Variants in CALN1 observed in about 807,000 individuals in gnomAD.
CALN1 encodes calcium-binding protein 8.
Under a neutral mutation model 30.6 loss-of-function variants are expected in CALN1, and 17 were observed. The ratio of observed to expected loss-of-function variants is 0.56; its 90% CI spans 0.38 to 0.83. CALN1 has a LOEUF of 0.83. CALN1 is among the 40% of genes least tolerant of loss of function. CALN1 has a pLI of 0.00. For synonymous variants in CALN1, 156 were observed against 131.4 expected (o/e 1.19, Z -1.28); for missense variants, 291 against 354.9 (o/e 0.82, Z 1.45).
chr7:72,000,011 GA>G (rs1369850333), intron 5 of CALN1, among the ~76,000 whole-genome samples: 5 of 152,208 alleles, frequency 3.3e-5, no homozygotes, highest in African/African-American at 1.2e-4. Context: ...ACACGCTGCT[GA>G]ACTCAAGGTT....
chr7:72,376,081 TTAGTTGGC>T (rs1804536492), intron 2 of CALN1, among the ~76,000 whole-genome samples: 1 of 152,244 alleles, frequency 6.6e-6, no homozygotes, highest in Non-Finnish European at 1.5e-5. Flanking sequence ...TTTTATTCCT[TTAGTTGGC>T]TAGTTAATAT....
chr7:72,346,148 A>G (rs747440058), intron 2 of CALN1, among the ~76,000 whole-genome samples: 49 of 152,186 alleles, frequency 3.2e-4, no homozygotes, highest in Non-Finnish European at 5.6e-4. Flanking sequence ...TTTACTTTTT[A>G]TTAAAGTGAT....
At chr7:72,204,455 T>C (rs1791683787) in intron 3 of CALN1, among the ~76,000 whole-genome samples, 1 of 152,216 alleles carries the variant, frequency 6.6e-6, no homozygotes, top group South Asian at 2.1e-4. Flanking sequence ...AATTGACTCA[T>C]GATTAACACA....
At chr7:71,954,994 T>C (rs751430483) in intron 5 of CALN1, among the ~76,000 whole-genome samples, 1 of 152,238 alleles carries the variant, frequency 6.6e-6, no homozygotes, top group Non-Finnish European at 1.5e-5. Context: ...AGTATGTTTG[T>C]ATCTGTATTA....
chr7:72,375,180 G>A (rs1562931088), intron 2 of CALN1, among the ~76,000 whole-genome samples: 1 of 152,158 alleles, frequency 6.6e-6, no homozygotes, highest in Non-Finnish European at 1.5e-5. Context: ...AAGTCTTGGT[G>A]TGGCCCAGCT....
intron 3 of CALN1, among the ~76,000 whole-genome samples, chr7:72,149,127 G>A (rs2129544031): frequency 6.6e-6 from 1 of 152,166 alleles, no homozygotes; most frequent in East Asian, 1.9e-4. Context: ...AGCAGATGCT[G>A]ACACTATGCT....
At chr7:72,357,182 A>G (rs1287559038) in intron 2 of CALN1, among the ~76,000 whole-genome samples, 1 of 151,988 alleles carries the variant, frequency 6.6e-6, no homozygotes, top group Non-Finnish European at 1.5e-5. Context: ...AACTTGAACC[A>G]AAATGAAATA....
At chr7:71,934,888 G>A (rs1165743981) in intron 5 of CALN1, among the ~76,000 whole-genome samples, 1 of 152,174 alleles carries the variant, frequency 6.6e-6, no homozygotes, top group African/African-American at 2.4e-5. Context: ...ACTTGTGCAG[G>A]AGAACTCCTG....
intron 3 of CALN1, among the ~76,000 whole-genome samples, chr7:72,255,024 CTCATGA>C (rs1349546985): frequency 1.3e-5 from 2 of 152,094 alleles, no homozygotes; most frequent in Admixed American, 1.3e-4. Flanking sequence ...AACTCTTGAC[CTCATGA>C]TCCACCCACC....
intron 3 of CALN1, among the ~76,000 whole-genome samples, chr7:72,128,113 A>C (rs1404666944): frequency 6.6e-6 from 1 of 152,204 alleles, no homozygotes; most frequent in African/African-American, 2.4e-5. Flanking sequence ...GGACCCAGCA[A>C]TTCCATTGTA....
At chr7:71,828,681 A>G (rs1270749130) in intron 5 of CALN1, among the ~76,000 whole-genome samples, 11 of 150,012 alleles carry the variant, frequency 7.3e-5, no homozygotes, top group Non-Finnish European at 3.0e-5. Context: ...TAAGATATAT[A>G]CATAAGATAT....
At chr7:72,353,932 A>G in intron 2 of CALN1, among the ~76,000 whole-genome samples, 1 of 152,232 alleles carries the variant, frequency 6.6e-6, no homozygotes, top group East Asian at 1.9e-4. Context: ...CACACCTGTA[A>G]TCCCAGCACT....
At chr7:72,233,241 C>T (rs868584891) in intron 3 of CALN1, among the ~76,000 whole-genome samples, 3 of 147,972 alleles carry the variant, frequency 2.0e-5, no homozygotes, top group African/African-American at 7.5e-5. Flanking sequence ...TGGAGGAGAT[C>T]ATTTGAGTAA....
chr7:72,002,850 T>C (rs539882563), intron 5 of CALN1, among the ~76,000 whole-genome samples: 11 of 152,122 alleles, frequency 7.2e-5, no homozygotes, highest in Non-Finnish European at 1.2e-4. Flanking sequence ...CTAAAAAAGT[T>C]GAAATCACAA....
chr7:72,118,011 G>T (rs1173488345), intron 3 of CALN1, among the ~76,000 whole-genome samples: 3 of 151,378 alleles, frequency 2.0e-5, no homozygotes, highest in Non-Finnish European at 4.4e-5. Context: ...GGAACAGACA[G>T]CAGGCAGTGT....
intron 2 of CALN1, among the ~76,000 whole-genome samples, chr7:72,391,546 C>T (rs1391574765): frequency 6.6e-6 from 1 of 152,122 alleles, no homozygotes; most frequent in Non-Finnish European, 1.5e-5. Context: ...ACCCAAATCT[C>T]ATCTTGAATT....
chr7:72,336,874 A>C, intron 2 of CALN1: 1 of 984,750 alleles, frequency 1.0e-6, no homozygotes, highest in Non-Finnish European at 1.2e-6. Context: ...CCGTGCCGGC[A>C]TCCTCGCTGC....
intron 2 of CALN1, among the ~76,000 whole-genome samples, chr7:72,324,542 C>T (rs1214658155): frequency 7.1e-6 from 1 of 141,048 alleles, no homozygotes; most frequent in African/African-American, 2.5e-5. Flanking sequence ...CTCTTTTTCC[C>T]TCCTTTTAAA....
chr7:72,260,756 T>C (rs1796211226), intron 3 of CALN1, among the ~76,000 whole-genome samples: 1 of 151,980 alleles, frequency 6.6e-6, no homozygotes, highest in Admixed American at 6.6e-5. Flanking sequence ...CTCAGATTTG[T>C]CTCCATGACA....
Sources: gnomAD v4.1 joint callset for allele counts (sites outside exome capture counted in the v4.1 genomes callset) on GRCh38, gnomAD v4.1.1 for gene constraint, MANE v1.5 for transcripts, NCBI Gene and HGNC (gene_info 2026-07-23, HGNC 2026-07-21) for gene names.